PAN3: variants seen among roughly 807,000 people sequenced by gnomAD.
PAN3 encodes poly(A) specific ribonuclease subunit PAN3, also known as PAN2-PAN3 deadenylation complex subunit PAN3.
PAN3 carries 19 observed loss-of-function variants against 96.2 expected under a neutral mutation model. The observed-to-expected ratio is 0.20, with a 90% CI of 0.14 to 0.29. The LOEUF is 0.29. Among genes scored for constraint, PAN3 ranks in the 10% least tolerant of loss-of-function variants. The probability of loss-of-function intolerance (pLI) is 1.00; values close to 1 mark genes in which losing one functional copy is unlikely to be tolerated. For synonymous variants in PAN3, 433 were observed against 406.6 expected (o/e 1.06, Z -0.78); for missense variants, 882 against 1,108.1 (o/e 0.80, Z 2.90).
At chr13:28,223,857 TG>T (rs1881679413) in intron 6 of PAN3, among the ~76,000 whole-genome samples, 5 of 149,622 alleles carry the variant, frequency 3.3e-5, no homozygotes, top group African/African-American at 7.4e-5. Flanking sequence ...TTAATTTTTG[TG>T]CCATGAAAAG....
chr13:28,208,635 T>C (rs1879663684), intron 5 of PAN3, among the ~76,000 whole-genome samples: 1 of 152,128 alleles, frequency 6.6e-6, no homozygotes, highest in South Asian at 2.1e-4. Flanking sequence ...GAGCATCATG[T>C]TTGAGCTCAA....
intron 1 of PAN3, among the ~76,000 whole-genome samples, chr13:28,140,328 C>CT (rs1189483503): frequency 4.6e-5 from 7 of 152,166 alleles, no homozygotes; most frequent in Non-Finnish European, 1.0e-4. Context: ...CCAGATGTCC[C>CT]TGTTTTGTTT....
At chr13:28,156,381 G>T (rs577332684) in intron 1 of PAN3, among the ~76,000 whole-genome samples, 2 of 152,056 alleles carry the variant, frequency 1.3e-5, no homozygotes, top group Non-Finnish European at 2.9e-5. Flanking sequence ...CCTGAACAGA[G>T]CAATAATGAA....
intron 4 of PAN3, among the ~76,000 whole-genome samples, chr13:28,184,514 C>G (rs1206447639): frequency 1.3e-5 from 2 of 151,924 alleles, no homozygotes; most frequent in South Asian, 4.1e-4. Context: ...TAACCTTATG[C>G]CTGCTTCTTT....
At chr13:28,140,353 C>T (rs955644836) in intron 1 of PAN3, among the ~76,000 whole-genome samples, 5 of 152,100 alleles carry the variant, frequency 3.3e-5, no homozygotes, top group Non-Finnish European at 7.4e-5. Context: ...GTATATTGAG[C>T]GTTTCTAAAC....
intron 5 of PAN3, among the ~76,000 whole-genome samples, chr13:28,200,148 C>T (rs1375062109): frequency 1.3e-5 from 2 of 152,164 alleles, no homozygotes; most frequent in Non-Finnish European, 2.9e-5. Context: ...TGCTGTAGCT[C>T]TAGTAACTAC....
At chr13:28,277,148 T>A (rs1420480554) in intron 14 of PAN3, 89 bp from the exon 15 acceptor site, 10 of 1,293,054 alleles carry the variant, frequency 7.7e-6, no homozygotes, top group Middle Eastern at 1.9e-4. Flanking sequence ...TTTATAATGA[T>A]GCTTTTTCCA....
At chr13:28,198,333 C>T (rs974812832) in intron 5 of PAN3, among the ~76,000 whole-genome samples, 1 of 151,312 alleles carries the variant, frequency 6.6e-6, no homozygotes, top group South Asian at 2.1e-4. Flanking sequence ...CACAAAGTCA[C>T]ATTTATTTGG....
At chr13:28,274,581 GA>G (rs1286050395) in intron 14 of PAN3, among the ~76,000 whole-genome samples, 1 of 150,602 alleles carries the variant, frequency 6.6e-6, no homozygotes, top group Non-Finnish European at 1.5e-5. Context: ...TAGTTACCTT[GA>G]AAAACAAAAC....
chr13:28,183,441 TCC>T (rs1164306701), intron 4 of PAN3, among the ~76,000 whole-genome samples: 2 of 152,186 alleles, frequency 1.3e-5, no homozygotes, highest in East Asian at 3.9e-4. Context: ...TTCATTCACC[TCC>T]GCTTGTCAAG....
intron 5 of PAN3, among the ~76,000 whole-genome samples, chr13:28,210,992 C>T (rs1019762740): frequency 2.6e-5 from 4 of 152,096 alleles, no homozygotes; most frequent in African/African-American, 9.7e-5. Flanking sequence ...GCAGCCTTCA[C>T]CTCCTGGGCT....
At chr13:28,175,642 G>C (rs548765108) in intron 2 of PAN3, among the ~76,000 whole-genome samples, 1 of 152,236 alleles carries the variant, frequency 6.6e-6, no homozygotes, top group Admixed American at 6.5e-5. Context: ...ATTTCGTGTA[G>C]ATATGCACTC....
chr13:28,180,236 A>G (rs1248652339), intron 4 of PAN3, among the ~76,000 whole-genome samples: 2 of 152,154 alleles, frequency 1.3e-5, no homozygotes, highest in Admixed American at 6.5e-5. Context: ...GAAAGCATCC[A>G]TATGTCAGTT....
Position 28,252,308 on chromosome 13 carries a change from A to G in PAN3, c.1001-3984A>G, listed in dbSNP as rs140407091. 4.2e-3 allele frequency among the ~76,000 whole-genome samples: 612 copies of G among 145,510 alleles called. 4 individuals are homozygous for G. The highest frequency in any genetic ancestry group is 6.5e-3 in the Non-Finnish European group (436 of 67,042). On this transcript the variant is annotated intron_variant, in intron 6 of 18. Transcript: ENST00000380958. ...GGGGTTGAGGGAGGGTGTCCATGTT[A>G]GTTTAGTCTCTCATTTTCCAGAAAT...
intron 6 of PAN3, among the ~76,000 whole-genome samples, chr13:28,241,834 G>T (rs1459332348): frequency 6.6e-6 from 1 of 152,038 alleles, no homozygotes; most frequent in East Asian, 1.9e-4. Context: ...TTTTTCTCAT[G>T]GCAAAAGCCC....
intron 6 of PAN3, among the ~76,000 whole-genome samples, chr13:28,229,559 A>T (rs1322627790): frequency 1.3e-5 from 2 of 152,176 alleles, no homozygotes; most frequent in Non-Finnish European, 2.9e-5. Flanking sequence ...TAGATTTGTT[A>T]TTCTTTCCAC....
intron 1 of PAN3, among the ~76,000 whole-genome samples, chr13:28,166,236 A>G (rs890750969): frequency 1.3e-5 from 2 of 152,204 alleles, no homozygotes; most frequent in African/African-American, 2.4e-5. Flanking sequence ...CTAAAATACG[A>G]TGGTAGGACA....
At chr13:28,225,717 A>T (rs1356960815) in intron 6 of PAN3, among the ~76,000 whole-genome samples, 2 of 152,040 alleles carry the variant, frequency 1.3e-5, no homozygotes, top group Non-Finnish European at 2.9e-5. Flanking sequence ...TCTTCCATCC[A>T]CTTGTCCTAG....
chr13:28,266,588 T>A, intron 9 of PAN3, 127 bp from the exon 10 acceptor site: 1 of 646,710 alleles, frequency 1.5e-6, no homozygotes. Flanking sequence ...ATGTTTACAC[T>A]ATTCTAAAAT....
Sources: gnomAD v4.1 joint callset for allele counts (sites outside exome capture counted in the v4.1 genomes callset) on GRCh38, gnomAD v4.1.1 for gene constraint, MANE v1.5 for transcripts, NCBI Gene and HGNC (gene_info 2026-07-23, HGNC 2026-07-21) for gene names.